PSG7: variants seen among roughly 807,000 people sequenced by gnomAD.
PSG7 encodes the protein pregnancy-specific beta-1-glycoprotein 7.
A neutral mutation model predicts 45.6 loss-of-function variants in PSG7; 57 were observed. The ratio of observed to expected loss-of-function variants is 1.25; its 90% confidence interval spans 1.01 to 1.56. The LOEUF is 1.56. Ranked by LOEUF, PSG7 falls within the 40% of genes most tolerant of loss-of-function variation. The probability of loss-of-function intolerance (pLI) is 0.00; values close to 1 mark genes in which losing one functional copy is unlikely to be tolerated. For missense variants in PSG7, 796 were observed against 508.4 expected, an observed-to-expected ratio of 1.57 and a Z score of -5.44; for synonymous variants, 298 against 194.4, an observed-to-expected ratio of 1.53 and a Z score of -4.43.
At chr19:42,934,050 G>T (rs1361547877) in intron 2 of PSG7, among the ~76,000 whole-genome samples, 1 of 151,486 alleles carries the variant, frequency 6.6e-6, no homozygotes, top group Non-Finnish European at 1.5e-5. Context: ...GAGAGCTCCT[G>T]AGTATGTGTC....
At chr19:42,932,264 T>C (rs543026230) in intron 2 of PSG7, among the ~76,000 whole-genome samples, 1 of 151,478 alleles carries the variant, frequency 6.6e-6, no homozygotes, top group Admixed American at 6.6e-5. Flanking sequence ...ACCTTGTGCC[T>C]GCCTCGGCCT....
At chr19:42,934,973 C>T (rs1224176867) in intron 2 of PSG7, among the ~76,000 whole-genome samples, 1 of 151,636 alleles carries the variant, frequency 6.6e-6, no homozygotes, top group Admixed American at 6.6e-5. Context: ...GGCACAGGCT[C>T]CTCAGCTTTA....
chr19:42,933,143 T>C (rs1973056682), intron 2 of PSG7, among the ~76,000 whole-genome samples: 1 of 147,654 alleles, frequency 6.8e-6, no homozygotes, highest in African/African-American at 2.5e-5. Context: ...CCTGAAACTA[T>C]CCTTGAAAAT....
In PSG7 at chr19:42,929,675, C is replaced by T. The variant is rs1972975995; in HGVS notation, c.476G>A (p.Arg159Lys). The change falls in exon 3 of 6, where the codon AGG becomes AAG. Residue 159 changes from arginine to lysine, a missense_variant. Transcript: ENST00000406070. ...PSISSSNFNP[R>K]EATEAVILTC... ...TAAAATCACAGCCTCCGTGGCCTCC[C>T]TGGGGTTGAAATTGCTGCTGGAGAT... 6 of 1,612,384 alleles carry T rather than the reference C, an allele frequency of 3.7e-6. No individual in the cohort carries two copies. The highest frequency in any genetic ancestry group is 5.1e-6 in the Non-Finnish European group (6 of 1,179,166).
intron 2 of PSG7, among the ~76,000 whole-genome samples, chr19:42,932,407 T>C (rs1408302301): frequency 6.6e-6 from 1 of 151,464 alleles, no homozygotes; most frequent in Admixed American, 6.6e-5. Context: ...TCCAAGCTTG[T>C]TATATGCCTG....
In PSG7 at chr19:42,935,764, G is replaced by T; in HGVS notation, c.70C>A (p.Leu24Ile). 3 of 1,609,156 alleles carry T rather than the reference G, an allele frequency of 1.9e-6. No individual in the cohort carries two copies. Among genetic ancestry groups the T allele is most frequent in the Non-Finnish European group, 2.5e-6 (3 of 1,177,794 alleles). The change falls in exon 2 of 6, where the codon CTT becomes ATT. Residue 24 changes from leucine (L) to isoleucine (I), a missense_variant. Coordinates refer to ENST00000406070, the MANE Select transcript of PSG7 (RefSeq NM_002783.3). ...TWKGLLLTAS[L>I]LNFWNPPTTA... The stretch of plus-strand genomic sequence containing the variant: ...GTGGGCGGGTTCCAGAAGTTTAAAA[G>T]TGATGCTAGGAGGTGGAGAGAGCAT...
In PSG7 at chr19:42,925,955, C is replaced by G. The variant is rs1331039187; in HGVS notation, c.1061G>C (p.Cys354Ser). Residue 354 changes from cysteine (C) to serine (S), a missense_variant, in exon 5 of 6, where the codon TGC becomes TCC. Coordinates refer to ENST00000406070, the MANE Select transcript of PSG7 (RefSeq NM_002783.3). Reference protein sequence around the residue: ...YHSGQNLYLSCFADSNPPAQY... With the variant: ...YHSGQNLYLSSFADSNPPAQY... ...TGCCGGTGGGTTAGAGTCCGCAAAG[C>G]AGGACAAGTAGAGGTTTTGTCCTGA... The G allele has an allele frequency of 4.3e-6, 7 of 1,612,134 alleles. 1 individual carries two copies. The African/African-American group carries it at 8.0e-5, about 18-fold the overall frequency.
At chr19:42,926,281 T>A in intron 4 of PSG7, 157 bp downstream of exon 4, 2 of 1,470,606 alleles carry the variant, frequency 1.4e-6, no homozygotes, top group Admixed American at 2.4e-5. Context: ...CTACCCAGGT[T>A]TTCCCAGGGC....
At position 42,935,429 on chromosome 19, in the gene PSG7, A is replaced by G; in HGVS notation, c.405T>C (p.Thr135=). ...GGTATAAGGTGAAGGTGAAACGTCCAGTTACTCCTCCAGTCCCATCACCTC... is the reference window on the plus strand; with the variant it reads ...GGTATAAGGTGAAGGTGAAACGTCCGGTTACTCCTCCAGTCCCATCACCTC... The part of the protein sequence containing the change: ...IKRGDGTGGV[T]GRFTFTLYLE... The change falls in exon 2 of 6, where the codon ACT becomes ACC. Residue 135 remains threonine (T), a synonymous_variant. Transcript: ENST00000406070. 6.2e-7 allele frequency: 1 copy of G among 1,612,006 alleles called. No individual in the cohort carries two copies. The highest frequency in any genetic ancestry group is 8.5e-7 in the Non-Finnish European group (1 of 1,178,866).
intron 5 of PSG7, 45 bp downstream of exon 5, chr19:42,925,728 A>T: frequency 6.2e-7 from 1 of 1,610,732 alleles, no homozygotes; most frequent in South Asian, 1.1e-5. Context: ...AGTCAGATAG[A>T]CTGCACCTAA....
At chr19:42,935,073 G>A (rs553692377) in intron 2 of PSG7, among the ~76,000 whole-genome samples, 17 of 151,780 alleles carry the variant, frequency 1.1e-4, no homozygotes, top group South Asian at 2.1e-4. Context: ...CTCAGGCCAA[G>A]CCCTACTCAG....
chr19:42,931,657 G>A (rs537712681), intron 2 of PSG7, among the ~76,000 whole-genome samples: 4 of 151,372 alleles, frequency 2.6e-5, no homozygotes, highest in South Asian at 4.2e-4. Context: ...CTCCCCACAC[G>A]AAGAACTCCA....
rs369997309 is a variant in PSG7 at position 42,934,486 on chromosome 19, A to C, written c.430+918T>G. 1.6e-3 allele frequency among the ~76,000 whole-genome samples: 235 copies of C among 151,456 alleles called. 13 individuals carry two copies. The South Asian group carries it at 0.037, about 24-fold the overall frequency. On this transcript the variant is annotated intron_variant, in intron 2 of 5. Transcript: ENST00000406070. The stretch of plus-strand genomic sequence containing the variant: ...GGCTCAGTGACTGTGCTTTCCTGTG[A>C]CTCAGTTTTCTCTCAATCAAATAAG...
chr19:42,933,293 ATATATATATATATATTTT>A (rs1228407480), intron 2 of PSG7, among the ~76,000 whole-genome samples: 4 of 10,554 alleles, frequency 3.8e-4, no homozygotes, highest in African/African-American at 1.1e-3. Flanking sequence ...ATATATATAT[ATATATATATATATATTTT>A]TTTTTTTTTT....
chr19:42,933,462 T>A (rs1973077762), intron 2 of PSG7, among the ~76,000 whole-genome samples: 1 of 148,064 alleles, frequency 6.8e-6, no homozygotes, highest in Admixed American at 6.8e-5. Context: ...GGAAATACAG[T>A]GGAAGCTCAT....
Position 42,935,742 on chromosome 19 carries a change from G to A in PSG7, c.92C>T (p.Pro31Leu), listed in dbSNP as rs782548438. 4 of 1,611,222 alleles carry A rather than the reference G, an allele frequency of 2.5e-6. No individual in the cohort carries two copies. The highest frequency in any genetic ancestry group is 8.5e-7 in the Non-Finnish European group (1 of 1,178,780). Residue 31 changes from proline to leucine, a missense_variant, in exon 2 of 6, where the codon CCC becomes CTC. Transcript: ENST00000406070. ...TTCAATCGTGACTTGGGCTGTGGTGGGCGGGTTCCAGAAGTTTAAAAGTGA... is the reference window on the plus strand; with the variant it reads ...TTCAATCGTGACTTGGGCTGTGGTGAGCGGGTTCCAGAAGTTTAAAAGTGA... Reference protein sequence around the residue: ...TASLLNFWNPPTTAQVTIEAQ... With the variant: ...TASLLNFWNPLTTAQVTIEAQ...
At chr19:42,934,145 G>A (rs533146374) in intron 2 of PSG7, among the ~76,000 whole-genome samples, 2 of 151,556 alleles carry the variant, frequency 1.3e-5, no homozygotes, top group African/African-American at 4.8e-5. Flanking sequence ...CAGTGACATG[G>A]GAACTTTGGG....
rs782721273 is a variant in PSG7, at chr19:42,935,405, G to A, written c.429C>T (p.Tyr143=). 1.9e-6 allele frequency: 3 copies of A among 1,611,452 alleles called. No homozygotes were observed. The highest frequency in any genetic ancestry group is 2.2e-5 in the South Asian group (2 of 90,682). ...CAGGGACCATGTGGAATCACTCACG[G>A]TATAAGGTGAAGGTGAAACGTCCAG... The part of the protein sequence containing the change: ...GVTGRFTFTL[Y]LETPKPSISS... Residue 143 remains tyrosine, a splice_region_variant and synonymous_variant, in exon 2 of 6, where the codon TAC becomes TAT. Coordinates refer to ENST00000406070, the MANE Select transcript of PSG7 (RefSeq NM_002783.3).
rs191759204 is a variant in PSG7 at position 42,930,673 on chromosome 19, C to T, written c.431-953G>A. On this transcript the variant is annotated intron_variant, in intron 2 of 5. Transcript: ENST00000406070. ...TACTTTCTCTCATTAGACATTCTAC[C>T]CTCTGATTCTGAGTTTGACTACTCT... 7.4e-3 allele frequency among the ~76,000 whole-genome samples: 1,128 copies of T among 151,546 alleles called. 55 individuals carry two copies. The highest frequency in any genetic ancestry group is 0.071 in the East Asian group (365 of 5,130).
Sources: gnomAD v4.1 joint callset for allele counts (sites outside exome capture counted in the v4.1 genomes callset) on GRCh38, gnomAD v4.1.1 for gene constraint, MANE v1.5 for transcripts, NCBI Gene and HGNC (gene_info 2026-07-23, HGNC 2026-07-21) for gene names.